ECT2L: variants seen among roughly 807,000 people sequenced by gnomAD.
ECT2L encodes the protein epithelial cell transforming 2 like, also known as epithelial cell-transforming sequence 2 oncogene-like.
In ECT2L, 126 loss-of-function variants were observed where a neutral mutation model predicts 122.8. That is an observed-to-expected ratio of 1.03 (90% CI 0.89 to 1.19). ECT2L has a LOEUF of 1.19. ECT2L is among the 50% of genes most tolerant of loss of function. The probability of loss-of-function intolerance (pLI) is 0.00; values close to 1 mark genes in which losing one functional copy is unlikely to be tolerated. For missense variants in ECT2L, 1,012 were observed against 1,064.1 expected, an observed-to-expected ratio of 0.95 and a Z score of 0.68; for synonymous variants, 385 against 381.8, an observed-to-expected ratio of 1.01 and a Z score of -0.10.
At chr6:138,862,742 GC>G in intron 11 of ECT2L, 23 bp downstream of exon 11, 1 of 1,601,250 alleles carries the variant, frequency 6.2e-7, no homozygotes, top group Non-Finnish European at 8.6e-7. Flanking sequence ...GGAGCTGAGC[GC>G]CACGTCCAAT....
intron 16 of ECT2L, among the ~76,000 whole-genome samples, chr6:138,884,997 G>C (rs1276165638): frequency 1.3e-5 from 2 of 150,224 alleles, no homozygotes; most frequent in East Asian, 1.9e-4. Context: ...AATAGGGTCA[G>C]GTCTATGTAT....
chr6:138,848,439 A>G (rs1490173161), intron 8 of ECT2L, among the ~76,000 whole-genome samples: 1 of 152,212 alleles, frequency 6.6e-6, no homozygotes, highest in Admixed American at 6.5e-5. Context: ...AAATAAAGGA[A>G]GCACAAAGAT....
chr6:138,845,357 C>G (rs1777183832), intron 7 of ECT2L, among the ~76,000 whole-genome samples: 1 of 151,844 alleles, frequency 6.6e-6, no homozygotes, highest in Admixed American at 6.6e-5. Flanking sequence ...ATTCTTCTGC[C>G]TCAGCCTCCA....
In ECT2L at chr6:138,821,597, G is replaced by A. The variant is rs540092296; in HGVS notation, c.179+6994G>A. Among the ~76,000 whole-genome samples the A allele has an allele frequency of 1.1e-4, 16 of 152,300 alleles. 1 individual carries two copies. The highest frequency in any genetic ancestry group is 2.9e-4 in the African/African-American group (12 of 41,568). On this transcript the variant is annotated intron_variant, in intron 4 of 21. Transcript: ENST00000541398. The stretch of plus-strand genomic sequence containing the variant: ...TGTCAGCTTTAGAATTGTGTGCACC[G>A]CCAGATAGAAATTAGGGTTATTTCA...
At chr6:138,844,700 A>G in intron 7 of ECT2L, 120 bp downstream of exon 7, 1 of 873,966 alleles carries the variant, frequency 1.1e-6, no homozygotes, top group Non-Finnish European at 1.7e-6. Context: ...ATCCTATGAA[A>G]TATCAGTAAA....
chr6:138,824,973 A>G (rs896419267), intron 4 of ECT2L, among the ~76,000 whole-genome samples: 5 of 152,166 alleles, frequency 3.3e-5, no homozygotes, highest in Admixed American at 6.5e-5. Context: ...CAGCAACAGT[A>G]TGTGTGTGTG....
At chr6:138,875,088 A>C (rs772487960) in intron 13 of ECT2L, among the ~76,000 whole-genome samples, 28 of 152,192 alleles carry the variant, frequency 1.8e-4, no homozygotes, top group Non-Finnish European at 2.6e-4. Flanking sequence ...CCCTGTCTCA[A>C]AACAAAACAA....
intron 4 of ECT2L, among the ~76,000 whole-genome samples, chr6:138,835,689 C>T (rs1330980675): frequency 6.6e-6 from 1 of 151,972 alleles, no homozygotes; most frequent in Non-Finnish European, 1.5e-5. Context: ...TTTCCTAAAA[C>T]ACAAGGACAC....
intron 9 of ECT2L, among the ~76,000 whole-genome samples, chr6:138,850,734 GC>G (rs2128393832): frequency 6.6e-6 from 1 of 152,156 alleles, no homozygotes; most frequent in East Asian, 1.9e-4. Flanking sequence ...TGGTGCAGTG[GC>G]TCACGCCTAT....
chr6:138,890,651 A>G (rs1778992371), intron 20 of ECT2L, among the ~76,000 whole-genome samples: 1 of 151,986 alleles, frequency 6.6e-6, no homozygotes, highest in African/African-American at 2.4e-5. Flanking sequence ...ATTATTCTAC[A>G]TTCATGTATT....
chr6:138,822,568 T>C (rs1168942844), intron 4 of ECT2L, among the ~76,000 whole-genome samples: 4 of 151,604 alleles, frequency 2.6e-5, no homozygotes, highest in South Asian at 4.2e-4. Flanking sequence ...AATAAATAAA[T>C]AAACAAACAA....
At position 138,846,546 on chromosome 6, in the gene ECT2L, A is replaced by G; in HGVS notation, c.772A>G (p.Ile258Val). 6.3e-7 allele frequency: 1 copy of G among 1,582,966 alleles called. No individual in the cohort carries two copies. The highest frequency in any genetic ancestry group is 8.5e-7 in the Non-Finnish European group (1 of 1,170,072). The change falls in exon 8 of 22, where the codon ATT becomes GTT. Residue 258 changes from isoleucine (I) to valine (V), a missense_variant. Ile to Val is a conservative substitution (Grantham distance 29). Coordinates refer to ENST00000541398, the MANE Select transcript of ECT2L (RefSeq NM_001077706.3). The stretch of plus-strand genomic sequence containing the variant: ...TTTCCTTTTACTCCATAGAAGCAAT[A>G]TTTCTGGAAGCCATTCCTACCCTTT... ...SLETLPKRSNISGSHSYPLLS... is the reference protein window; with the variant it reads ...SLETLPKRSNVSGSHSYPLLS...
chr6:138,850,397 G>A (rs1023362185), intron 9 of ECT2L, among the ~76,000 whole-genome samples: 5 of 151,810 alleles, frequency 3.3e-5, no homozygotes, highest in Admixed American at 2.0e-4. Flanking sequence ...CACCTGCCTC[G>A]GCCTCCCAAA....
rs1018034061 is a variant in ECT2L, at chr6:138,831,664, T to A, written c.180-6688T>A. Among the ~76,000 whole-genome samples, 10 of 152,348 alleles carry A rather than the reference T, an allele frequency of 6.6e-5. 1 individual carries two copies. Among genetic ancestry groups the A allele is most frequent in the South Asian group, 4.1e-4 (2 of 4,826 alleles). On this transcript the variant is annotated intron_variant, in intron 4 of 21. Transcript: ENST00000541398. ...TTCACCTTTATTTATTAGATTTTTT[T>A]AAAAATTGGTGCTGTCCCTAACCAT...
chr6:138,843,459 C>A (rs1305012014), intron 6 of ECT2L, among the ~76,000 whole-genome samples: 1 of 152,116 alleles, frequency 6.6e-6, no homozygotes, highest in African/African-American at 2.4e-5. Context: ...GCTTCCATTG[C>A]TATTCTGGCT....
At chr6:138,837,435 G>A (rs1467742194) in intron 4 of ECT2L, among the ~76,000 whole-genome samples, 2 of 152,008 alleles carry the variant, frequency 1.3e-5, no homozygotes, top group Non-Finnish European at 2.9e-5. Flanking sequence ...TTACTGACCC[G>A]TAACAGCACA....
intron 14 of ECT2L, among the ~76,000 whole-genome samples, chr6:138,878,483 G>C (rs145649169): frequency 0.028 from 4,259 of 152,244 alleles, 202 homozygotes; most frequent in African/African-American, 0.097. Flanking sequence ...GTCTCGCTCT[G>C]TTGCCCAGGC....
rs565522724 is a variant in ECT2L at position 138,877,694 on chromosome 6, G to A, written c.1665+1136G>A. Among the ~76,000 whole-genome samples, 5 of 152,226 alleles carry A rather than the reference G, an allele frequency of 3.3e-5. No homozygotes were observed. The East Asian group carries it at 9.7e-4, about 29-fold the overall frequency. ...CATGTTTGTAATCCCAGCACTTTCG[G>A]AGGCCAAGGCAGGTGCATCGCTTAA... is the stretch of plus-strand genomic sequence containing the variant. On this transcript the variant is annotated intron_variant, in intron 14 of 21. Coordinates refer to ENST00000541398, the MANE Select transcript of ECT2L (RefSeq NM_001077706.3).
intron 13 of ECT2L, among the ~76,000 whole-genome samples, chr6:138,875,173 G>A (rs1205849968): frequency 1.3e-5 from 2 of 152,242 alleles, no homozygotes; most frequent in Non-Finnish European, 2.9e-5. Flanking sequence ...ACAGCCACAA[G>A]TGCAGAGGAC....
Sources: allele counts gnomAD v4.1 joint callset (sites outside exome capture counted in the v4.1 genomes callset), GRCh38; gene constraint gnomAD v4.1.1; transcripts MANE v1.5; gene names NCBI Gene and HGNC (gene_info 2026-07-23, HGNC 2026-07-21).